The following STARD8 variants were observed in gnomAD, a reference collection of about 807,000 sequenced individuals.
The protein encoded by STARD8 is StAR related lipid transfer domain containing 8.
Under a neutral mutation model 69.4 loss-of-function variants are expected in STARD8, and 25 were observed. The ratio of observed to expected loss-of-function variants is 0.36; its 90% CI spans 0.26 to 0.50. STARD8 has a LOEUF of 0.50. STARD8 is among the 20% of genes least tolerant of loss of function. The probability of loss-of-function intolerance (pLI) is 0.96; values close to 1 mark genes in which losing one functional copy is unlikely to be tolerated. For synonymous variants in STARD8, 389 were observed against 374.6 expected, an observed-to-expected ratio of 1.04 and a Z score of -0.45; for missense variants, 921 against 932.5, an observed-to-expected ratio of 0.99 and a Z score of 0.16.
chrX:68,695,568 A>C (rs2079913642), intron 2 of STARD8, among the ~76,000 whole-genome samples: 1 of 110,738 alleles, frequency 9.0e-6, no homozygotes, highest in African/African-American at 3.3e-5. Flanking sequence ...TGATATCTGG[A>C]GGTGTTTAGA....
intron 1 of STARD8, among the ~76,000 whole-genome samples, chrX:68,658,236 CAAT>C (rs754427306): frequency 1.2e-4 from 14 of 112,274 alleles, no homozygotes; most frequent in Non-Finnish European, 1.9e-4. Flanking sequence ...TTCACCATCA[CAAT>C]AATCCTGCAA....
At chrX:68,685,674 C>G (rs1359396590) in intron 2 of STARD8, among the ~76,000 whole-genome samples, 1 of 112,903 alleles carries the variant, frequency 8.9e-6, no homozygotes, top group Admixed American at 9.3e-5. Flanking sequence ...ATAGAGATAA[C>G]TGCCCCGGCC....
At chrX:68,684,287 C>T (rs1375834456) in intron 2 of STARD8, among the ~76,000 whole-genome samples, 4 of 112,571 alleles carry the variant, frequency 3.6e-5, no homozygotes, top group Non-Finnish European at 7.5e-5. Flanking sequence ...AGGTCCTTCC[C>T]AGCAACAGGG....
At position 68,719,229 on chromosome X, in the gene STARD8, C is replaced by A; in HGVS notation, c.1720C>A (p.Leu574Ile). Reference protein sequence around the residue: ...GASLTRPCRKLRWHSFQNSHR... With the variant: ...GASLTRPCRKIRWHSFQNSHR... ...CCTCTCACCGCCCCCCACCAGGAAGCTCCGTTGGCATAGCTTCCAGAACTC... is the reference window on the plus strand; with the variant it reads ...CCTCTCACCGCCCCCCACCAGGAAGATCCGTTGGCATAGCTTCCAGAACTC... The change falls in exon 7 of 15, where the codon CTC becomes ATC. Residue 574 changes from leucine (L) to isoleucine (I), a missense_variant. Coordinates refer to ENST00000374599, the MANE Select transcript of STARD8 (RefSeq NM_001142503.3). 8.5e-7 allele frequency: 1 copy of A among 1,183,320 alleles called. No individual in the cohort carries two copies.
Position 68,721,520 on chromosome X carries a change from C to T in STARD8, c.2249-16C>T, listed in dbSNP as rs368027273. On this transcript the variant is annotated splice_polypyrimidine_tract_variant and intron_variant, in intron 9 of 14. Transcript: ENST00000374599. ...GGGGAAGTAAGGAAGGCTCTTCTTC[C>T]ATTGCTTCCTCACAGTCCTCCCCAA... The T allele has an allele frequency of 7.1e-5, 86 of 1,205,394 alleles. No individual in the cohort carries two copies. Among genetic ancestry groups the T allele is most frequent in the Non-Finnish European group, 9.0e-6 (8 of 892,473 alleles).
intron 2 of STARD8, among the ~76,000 whole-genome samples, chrX:68,674,771 T>G (rs1361688218): frequency 2.8e-5 from 3 of 107,326 alleles, no homozygotes; most frequent in African/African-American, 1.0e-4. Context: ...TTTCTCAGGT[T>G]TTTTTTTTTG....
chrX:68,653,306 C>CA (rs2079581786), intron 1 of STARD8, among the ~76,000 whole-genome samples: 1 of 35,816 alleles, frequency 2.8e-5, no homozygotes, highest in Admixed American at 3.3e-4. Flanking sequence ...CACACACACA[C>CA]CACACCACAC....
intron 1 of STARD8, among the ~76,000 whole-genome samples, chrX:68,652,892 A>C (rs1361160911): frequency 6.7e-4 from 16 of 23,742 alleles, no homozygotes; most frequent in South Asian, 2.7e-3. Context: ...ACACACACAC[A>C]CCACACCACA....
chrX:68,652,682 A>G (rs2079555493), intron 1 of STARD8, among the ~76,000 whole-genome samples: 1 of 104,530 alleles, frequency 9.6e-6, no homozygotes, highest in Non-Finnish European at 2.0e-5. Context: ...CTCCACACAC[A>G]TGAAACACAC....
chrX:68,689,845 T>G (rs1228407243), intron 2 of STARD8, among the ~76,000 whole-genome samples: 1 of 110,693 alleles, frequency 9.0e-6, no homozygotes, highest in Non-Finnish European at 1.9e-5. Context: ...TGTCCACACT[T>G]GGCAATGTAT....
Position 68,717,642 on chromosome X carries a change from C to T in STARD8, c.728C>T (p.Ser243Leu), listed in dbSNP as rs1320530814. 1 of 1,210,810 alleles carries T rather than the reference C, an allele frequency of 8.3e-7. No homozygotes were observed. The highest frequency in any genetic ancestry group is 1.1e-6 in the Non-Finnish European group (1 of 895,392). The change falls in exon 6 of 15, where the codon TCA becomes TTA. Residue 243 changes from serine (S) to leucine (L), a missense_variant. Ser to Leu is a moderately radical substitution (Grantham distance 145, BLOSUM62 -2). Transcript: ENST00000374599. ...ACCTCAGAGAAGGTCTCCAAAGCCT[C>T]ATCTTTCCGCAGTTGTCGTGGCTTC... ...PATSEKVSKA[S>L]SFRSCRGFLS...
intron 2 of STARD8, among the ~76,000 whole-genome samples, chrX:68,668,274 C>CTTTCTTTCTCTT (rs1287993380): frequency 6.1e-4 from 41 of 66,743 alleles, no homozygotes; most frequent in African/African-American, 1.6e-3. Flanking sequence ...TTCTTTCTTT[C>CTTTCTTTCTCTT]TCTTTCTTTC....
intron 5 of STARD8, among the ~76,000 whole-genome samples, chrX:68,716,721 G>A (rs2080094571): frequency 9.0e-6 from 1 of 111,553 alleles, no homozygotes; most frequent in African/African-American, 3.3e-5. Flanking sequence ...GGCCCATGGG[G>A]CCTGGTCTCA....
At chrX:68,692,656 T>G (rs1257677293) in intron 2 of STARD8, among the ~76,000 whole-genome samples, 1 of 112,310 alleles carries the variant, frequency 8.9e-6, no homozygotes, top group Non-Finnish European at 1.9e-5. Flanking sequence ...GCCAGGAGTG[T>G]GAGACCAGCC....
At chrX:68,668,275 T>TTTCTTTCTTTC (rs2079704711) in intron 2 of STARD8, among the ~76,000 whole-genome samples, 1 of 53,761 alleles carries the variant, frequency 1.9e-5, no homozygotes, top group African/African-American at 1.1e-4. Context: ...TCTTTCTTTC[T>TTTCTTTCTTTC]CTTTCTTTCT....
rs140650293 is a variant in STARD8, at chrX:68,684,605, C to G, written c.79+19073C>G. On this transcript the variant is annotated intron_variant, in intron 2 of 14. Coordinates refer to ENST00000374599, the MANE Select transcript of STARD8 (RefSeq NM_001142503.3). ...TGTGAGAGGCGCAGTGCAGGGACTA[C>G]TCGAAACTCAGGAGTCAACGGGGTG... is the stretch of plus-strand genomic sequence containing the variant. 5.6e-3 allele frequency among the ~76,000 whole-genome samples: 634 copies of G among 112,660 alleles called. 9 individuals carry two copies. The highest frequency in any genetic ancestry group is 0.02 in the African/African-American group (612 of 31,059).
rs1178957753 is a variant in STARD8, at chrX:68,717,586, C to A, written c.672C>A (p.Ser224Arg). 1 of 1,211,835 alleles carries A rather than the reference C, an allele frequency of 8.3e-7. No individual in the cohort carries two copies. Among genetic ancestry groups the A allele is most frequent in the Admixed American group, 2.2e-5 (1 of 46,086 alleles). Reference protein sequence around the residue: ...ESLRRKEKSGSQQAEPKHSPA... With the variant: ...ESLRRKEKSGRQQAEPKHSPA... ...TGAGGCGGAAGGAAAAGAGTGGCAG[C>A]CAGCAAGCAGAGCCCAAGCATAGTC... is the stretch of plus-strand genomic sequence containing the variant. Residue 224 changes from serine (S) to arginine (R), a missense_variant, in exon 6 of 15, where the codon AGC (serine) becomes AGA (arginine). By Grantham distance (110) the Ser-to-Arg change is moderately radical (BLOSUM62 -1). Transcript: ENST00000374599.
rs1490412031 is a variant in STARD8, at chrX:68,718,074, A to G, written c.1160A>G (p.His387Arg). Reference sequence around the variant, plus strand: ...GAGGAGAGTGGGGGCAGCTATGCTCACCTAGACGACATCCTCCAGCACGTG... The same window carrying G: ...GAGGAGAGTGGGGGCAGCTATGCTCGCCTAGACGACATCCTCCAGCACGTG... ...DDEESGGSYA[H>R]LDDILQHVWG... Residue 387 changes from histidine (H) to arginine (R), a missense_variant, in exon 6 of 15, where the codon CAC becomes CGC. Transcript: ENST00000374599. 8.3e-7 allele frequency: 1 copy of G among 1,211,302 alleles called. No individual in the cohort carries two copies. The highest frequency in any genetic ancestry group is 1.1e-6 in the Non-Finnish European group (1 of 895,283).
intron 1 of STARD8, chrX:68,656,301 C>T (rs1003513130): frequency 8.9e-6 from 1 of 111,985 alleles, no homozygotes; most frequent in East Asian, 2.8e-4. Flanking sequence ...ATCAAAACCA[C>T]AGTGAGATAC....
Sources: gnomAD v4.1 joint callset for allele counts (sites outside exome capture counted in the v4.1 genomes callset) on GRCh38, gnomAD v4.1.1 for gene constraint, MANE v1.5 for transcripts, NCBI Gene and HGNC (gene_info 2026-07-23, HGNC 2026-07-21) for gene names.